The following OPCML variants were observed in gnomAD, a reference collection of about 807,000 sequenced individuals.
OPCML encodes opioid binding protein/cell adhesion molecule like.
Under a neutral mutation model 37.8 loss-of-function variants are expected in OPCML, and 13 were observed. That is an observed-to-expected ratio of 0.34 (90% confidence interval 0.22 to 0.55). The LOEUF is 0.55. Among genes scored for constraint, OPCML ranks in the 20% least tolerant of loss-of-function variants. The pLI is 0.91. For missense variants in OPCML, 341 were observed against 435.6 expected (o/e 0.78, Z 1.93); for synonymous variants, 176 against 168.8 (o/e 1.04, Z -0.33).
intron 1 of OPCML, among the ~76,000 whole-genome samples, chr11:133,383,020 T>C (rs148634568): frequency 6.6e-6 from 1 of 151,510 alleles, no homozygotes; most frequent in Non-Finnish European, 1.5e-5. Flanking sequence ...AGGAGCTACA[T>C]TTCCTCTCTT....
intron 1 of OPCML, among the ~76,000 whole-genome samples, chr11:133,140,877 A>AGACGACGACGACGACGACGAC (rs200685608): frequency 5.9e-5 from 1 of 16,866 alleles, no homozygotes; most frequent in African/African-American, 9.7e-5. Context: ...ACGACGAAGA[A>AGACGACGACGACGACGACGAC]GACGACGACG....
rs192649695 is a variant in OPCML, at chr11:133,019,916, G to A, written c.62-76906C>T. ...GGTCCACTCAACCACACGCACACAG[G>A]CATGCTCCCCAGTGCACACATGCAC... is the stretch of plus-strand genomic sequence containing the variant. On this transcript the variant is annotated intron_variant, in intron 1 of 7. Coordinates refer to ENST00000524381, the MANE Select transcript of OPCML (RefSeq NM_001012393.5). Among the ~76,000 whole-genome samples, 119 of 152,306 alleles carry A rather than the reference G, an allele frequency of 7.8e-4. 1 individual carries two copies. The highest frequency in any genetic ancestry group is 8.8e-5 in the Non-Finnish European group (6 of 68,028).
intron 1 of OPCML, among the ~76,000 whole-genome samples, chr11:133,055,633 G>A (rs948525343): frequency 2.8e-5 from 4 of 143,044 alleles, no homozygotes; most frequent in African/African-American, 5.3e-5. Context: ...ACTTCCAAGT[G>A]GTGAGACTCC....
intron 1 of OPCML, among the ~76,000 whole-genome samples, chr11:133,443,448 T>C (rs1946404941): frequency 6.6e-6 from 1 of 152,222 alleles, no homozygotes; most frequent in South Asian, 2.1e-4. Flanking sequence ...CACCAACAGA[T>C]GCAGAGATGG....
chr11:133,458,193 TATATACACGTGTGTGTATATATACAC>T (rs1946722690), intron 1 of OPCML, among the ~76,000 whole-genome samples: 4 of 130,926 alleles, frequency 3.1e-5, no homozygotes, highest in African/African-American at 4.0e-5. Flanking sequence ...TATATACACA[TATATACACGTGTGTGTATATATACAC>T]ATATATACAC....
chr11:132,865,067 T>G (rs1465441562), intron 2 of OPCML, among the ~76,000 whole-genome samples: 1 of 152,244 alleles, frequency 6.6e-6, no homozygotes, highest in Non-Finnish European at 1.5e-5. Flanking sequence ...ATTTTAGCTT[T>G]TGATTTACCG....
chr11:133,338,279 G>A (rs75554866), intron 1 of OPCML, among the ~76,000 whole-genome samples: 1 of 152,260 alleles, frequency 6.6e-6, no homozygotes, highest in African/African-American at 2.4e-5. Context: ...CCCGCCACTG[G>A]CTCTCTTGCT....
rs147888201 is a variant in OPCML at position 132,523,081 on chromosome 11, C to T, written c.505+5980G>A. On this transcript the variant is annotated intron_variant, in intron 4 of 7. Transcript: ENST00000524381. ...CCTCCTGAGCAGTTGCAACTACAGG[C>T]GTGGTTGTAGAGATGGGGTTTCACC... 3.0e-4 allele frequency among the ~76,000 whole-genome samples: 46 copies of T among 152,252 alleles called. No individual in the cohort carries two copies. The East Asian group carries it at 6.6e-3, about 22-fold the overall frequency.
intron 3 of OPCML, among the ~76,000 whole-genome samples, chr11:132,650,548 T>C (rs1418148284): frequency 6.6e-6 from 1 of 152,014 alleles, no homozygotes; most frequent in African/African-American, 2.4e-5. Context: ...TAGAGACCCC[T>C]TCTCAGAATC....
chr11:132,537,493 A>G (rs757847872), intron 3 of OPCML, among the ~76,000 whole-genome samples: 6 of 152,236 alleles, frequency 3.9e-5, no homozygotes, highest in Non-Finnish European at 8.8e-5. Context: ...AGAAAACACA[A>G]GAAAAACTAT....
chr11:133,484,875 T>C (rs973847529), intron 1 of OPCML, among the ~76,000 whole-genome samples: 1 of 152,006 alleles, frequency 6.6e-6, no homozygotes, highest in African/African-American at 2.4e-5. Flanking sequence ...TACTTAACAG[T>C]TGTTAAAATT....
At chr11:132,998,874 C>T (rs1048588621) in intron 1 of OPCML, among the ~76,000 whole-genome samples, 1 of 152,194 alleles carries the variant, frequency 6.6e-6, no homozygotes, top group Non-Finnish European at 1.5e-5. Flanking sequence ...GGTTTCCAGC[C>T]TCCGGAAATA....
intron 1 of OPCML, among the ~76,000 whole-genome samples, chr11:133,023,307 C>T (rs1947487955): frequency 6.6e-6 from 1 of 152,200 alleles, no homozygotes; most frequent in Admixed American, 6.5e-5. Flanking sequence ...CCAAGCAGTA[C>T]AGCTAGACAA....
At chr11:132,728,819 T>A (rs76720309) in intron 2 of OPCML, among the ~76,000 whole-genome samples, 6,126 of 152,192 alleles carry the variant, frequency 0.04, 309 homozygotes, top group African/African-American at 0.12. Flanking sequence ...GGAAACAAAC[T>A]CAGAAAAATT....
intron 3 of OPCML, among the ~76,000 whole-genome samples, chr11:132,587,260 TC>T (rs2096474947): frequency 1.3e-5 from 2 of 152,206 alleles, no homozygotes; most frequent in African/African-American, 2.4e-5. Flanking sequence ...GAACTATACA[TC>T]ATTCACAAAG....
intron 1 of OPCML, among the ~76,000 whole-genome samples, chr11:133,503,977 G>A (rs1045299327): frequency 6.6e-6 from 1 of 152,188 alleles, no homozygotes; most frequent in Admixed American, 6.5e-5. Flanking sequence ...GGACAAGAGA[G>A]CTCCAGATTC....
intron 2 of OPCML, among the ~76,000 whole-genome samples, chr11:132,657,808 C>T (rs755849763): frequency 6.6e-6 from 1 of 152,178 alleles, no homozygotes; most frequent in African/African-American, 2.4e-5. Flanking sequence ...CCTTATACCC[C>T]TAAGCAGCCG....
chr11:132,994,447 G>A (rs1290025640), intron 1 of OPCML, among the ~76,000 whole-genome samples: 1 of 152,164 alleles, frequency 6.6e-6, no homozygotes, highest in Non-Finnish European at 1.5e-5. Context: ...CTGGGGGCTC[G>A]CCGTGCAGGC....
chr11:132,515,374 C>T (rs747263345), intron 4 of OPCML, among the ~76,000 whole-genome samples: 6 of 152,130 alleles, frequency 3.9e-5, no homozygotes, highest in Non-Finnish European at 7.4e-5. Context: ...TCCCACTTTG[C>T]AGGCTACAAG....
Sources: allele counts gnomAD v4.1 joint callset (sites outside exome capture counted in the v4.1 genomes callset), GRCh38; gene constraint gnomAD v4.1.1; transcripts MANE v1.5; gene names NCBI Gene and HGNC (gene_info 2026-07-23, HGNC 2026-07-21).